Variants in ITGAV observed in about 807,000 individuals in gnomAD.
The protein encoded by ITGAV is integrin subunit alpha V, also known as integrin alpha-V.
ITGAV carries 76 observed loss-of-function variants against 143.8 expected under a neutral mutation model. The ratio of observed to expected loss-of-function variants is 0.53; its 90% confidence interval spans 0.44 to 0.64. The LOEUF (loss-of-function observed/expected upper bound fraction) is 0.64, where lower values mean the gene tolerates loss of function less well. Ranked by LOEUF, ITGAV falls within the 30% of genes least tolerant of loss-of-function variation. The pLI is 0.00. For synonymous variants in ITGAV, 453 were observed against 446.7 expected (o/e 1.01, Z -0.18); for missense variants, 1,193 against 1,274.7 (o/e 0.94, Z 0.98).
In ITGAV at chr2:186,679,042, T is replaced by C. The variant is rs1689286984; in HGVS notation, c.*1750T>C. 6.2e-6 allele frequency: 1 copy of C among 160,624 alleles called. No homozygotes were observed. The highest frequency in any genetic ancestry group is 1.4e-5 in the Non-Finnish European group (1 of 73,444). 9.9% of individuals were successfully genotyped at this position (160,624 alleles called of 1,614,324 possible). Reference sequence around the variant, plus strand: ...ATGGGTCTTGGAGTATAGATTTTTATTAGTAGCTTGAAAGAGCTTAATCAT... The same window carrying C: ...ATGGGTCTTGGAGTATAGATTTTTACTAGTAGCTTGAAAGAGCTTAATCAT... On this transcript the variant is annotated 3_prime_UTR_variant, in exon 30 of 30. Transcript: ENST00000261023.
chr2:186,608,839 T>C (rs1391219060), intron 2 of ITGAV, among the ~76,000 whole-genome samples: 1 of 152,122 alleles, frequency 6.6e-6, no homozygotes, highest in Admixed American at 6.6e-5. Context: ...ATTGGAAGGA[T>C]GTTGGTAACT....
intron 26 of ITGAV, among the ~76,000 whole-genome samples, chr2:186,673,636 C>A (rs929028575): frequency 6.6e-6 from 1 of 151,874 alleles, no homozygotes; most frequent in Non-Finnish European, 1.5e-5. Flanking sequence ...TCTGTGTATT[C>A]TTTTCAATGC....
At chr2:186,648,851 T>C (rs578225533) in intron 13 of ITGAV, among the ~76,000 whole-genome samples, 1 of 151,754 alleles carries the variant, frequency 6.6e-6, no homozygotes, top group South Asian at 2.1e-4. Context: ...AATAATCTAA[T>C]GTATAGTTAT....
intron 14 of ITGAV, among the ~76,000 whole-genome samples, chr2:186,650,612 C>A (rs1688398486): frequency 6.6e-6 from 1 of 151,512 alleles, no homozygotes; most frequent in Admixed American, 6.6e-5. Context: ...GTGGTGCAAT[C>A]TTGGCTCATT....
At chr2:186,637,719 C>G (rs1201151725) in intron 8 of ITGAV, among the ~76,000 whole-genome samples, 2 of 152,138 alleles carry the variant, frequency 1.3e-5, no homozygotes, top group Non-Finnish European at 1.5e-5. Context: ...TTAGCATTTT[C>G]CTCCTTGTCT....
chr2:186,656,176 G>A (rs1688577073), intron 16 of ITGAV, 71 bp from the exon 17 acceptor site: 1 of 1,159,100 alleles, frequency 8.6e-7, no homozygotes. Flanking sequence ...CTGTTTACAT[G>A]AAAACTCTAG....
chr2:186,633,141 C>CA (rs909847322), intron 5 of ITGAV, among the ~76,000 whole-genome samples, 188 bp from the exon 6 acceptor site: 4,739 of 74,372 alleles, frequency 0.064, 244 homozygotes, highest in African/African-American at 0.19. Flanking sequence ...TTTGTCTCTA[C>CA]AAAAAAAAAA....
chr2:186,662,064 C>CT (rs151040241), intron 18 of ITGAV, among the ~76,000 whole-genome samples: 9 of 152,082 alleles, frequency 5.9e-5, no homozygotes, highest in Non-Finnish European at 1.3e-4. Flanking sequence ...TTTTTTTCCC[C>CT]TATAGAGTGA....
At chr2:186,614,885 A>G (rs1687310344) in intron 2 of ITGAV, among the ~76,000 whole-genome samples, 1 of 151,938 alleles carries the variant, frequency 6.6e-6, no homozygotes, top group African/African-American at 2.4e-5. Flanking sequence ...CATAACATTG[A>G]CCTGTTTTAA....
chr2:186,664,146 A>G (rs973632546), intron 19 of ITGAV, among the ~76,000 whole-genome samples: 1 of 152,230 alleles, frequency 6.6e-6, no homozygotes, highest in Non-Finnish European at 1.5e-5. Flanking sequence ...ACCATTTTGT[A>G]AGGCATATGA....
At chr2:186,642,824 C>G (rs901364034) in intron 12 of ITGAV, among the ~76,000 whole-genome samples, 1 of 152,104 alleles carries the variant, frequency 6.6e-6, no homozygotes, top group African/African-American at 2.4e-5. Context: ...GCCACTGTGC[C>G]TGGCCAACAG....
At chr2:186,616,989 G>T (rs114017715) in intron 2 of ITGAV, among the ~76,000 whole-genome samples, 1 of 150,324 alleles carries the variant, frequency 6.7e-6, no homozygotes, top group Non-Finnish European at 1.5e-5. Context: ...AATTGTCTAT[G>T]AATGCAGGGT....
At chr2:186,591,259 TC>T (rs1686607918) in intron 1 of ITGAV, among the ~76,000 whole-genome samples, 1 of 152,178 alleles carries the variant, frequency 6.6e-6, no homozygotes, top group African/African-American at 2.4e-5. Flanking sequence ...ATTTAATAAT[TC>T]AGTTATGTTT....
chr2:186,666,721 T>C lies in ITGAV; in HGVS notation c.2184T>C (p.Arg728=), dbSNP rs1307625230. ...KAGTQLLAGL[R]FSVHQQSEMD... is the part of the protein sequence containing the mutation. ...TCCTTTAGCTCTTAGCTGGTCTTCG[T>C]TTCAGTGTGCACCAGCAGTCAGAGA... Residue 728 remains arginine (R), a synonymous_variant, in exon 22 of 30, where the codon CGT becomes CGC. Transcript: ENST00000261023. 5 of 1,580,940 alleles carry C rather than the reference T, an allele frequency of 3.2e-6. No individual in the cohort carries two copies. Among genetic ancestry groups the C allele is most frequent in the Non-Finnish European group, 4.3e-6 (5 of 1,166,862 alleles).
intron 6 of ITGAV, among the ~76,000 whole-genome samples, chr2:186,634,351 A>G (rs926066292): frequency 2.0e-5 from 3 of 152,212 alleles, no homozygotes; most frequent in South Asian, 4.1e-4. Context: ...CTGATATTCA[A>G]GCATTGTCAG....
intron 2 of ITGAV, among the ~76,000 whole-genome samples, chr2:186,617,849 A>G (rs1418987097): frequency 2.0e-5 from 3 of 152,168 alleles, no homozygotes; most frequent in Non-Finnish European, 2.9e-5. Context: ...AAATCTTTCT[A>G]TTCTTGGCTG....
At chr2:186,636,358 T>C in intron 7 of ITGAV, 151 bp downstream of exon 7, 1 of 612,886 alleles carries the variant, frequency 1.6e-6, no homozygotes, top group Non-Finnish European at 2.7e-6. Flanking sequence ...TGTTAATGAG[T>C]ACTTTGGTTA....
rs55864210 is a variant in ITGAV, at chr2:186,625,662, G to GGTGTGT, written c.523+87_523+92dup. On this transcript the variant is annotated intron_variant, in intron 4 of 29. Transcript: ENST00000261023. ...AGTTTGTTAAAAATATGTGTGTGTG[G>GGTGTGT]GTGTGTGTGTGTGTGTGAGAGAGAG... The GGTGTGT allele has an allele frequency of 6.8e-4, 364 of 535,638 alleles. 1 individual carries two copies. The highest frequency in any genetic ancestry group is 6.4e-3 in the African/African-American group (328 of 51,162). 33.2% of individuals were successfully genotyped at this position (535,638 alleles called of 1,614,324 possible). A position where few individuals can be genotyped will look rare whatever the true frequency, so the allele number is the denominator to read the frequency against.
At chr2:186,666,847 A>G (rs925333995) in intron 22 of ITGAV, 64 bp downstream of exon 22, 7 of 818,118 alleles carry the variant, frequency 8.6e-6, no homozygotes, top group Admixed American at 2.7e-5. Flanking sequence ...TAAATATACT[A>G]TGTAATATAC....
Sources: gnomAD v4.1 joint callset for allele counts (sites outside exome capture counted in the v4.1 genomes callset) on GRCh38, gnomAD v4.1.1 for gene constraint, MANE v1.5 for transcripts, NCBI Gene and HGNC (gene_info 2026-07-23, HGNC 2026-07-21) for gene names.